ILDR2: variants seen among roughly 807,000 people sequenced by gnomAD.
ILDR2 encodes immunoglobulin-like domain-containing receptor 2.
Under a neutral mutation model 66.8 loss-of-function variants are expected in ILDR2, and 25 were observed. The observed-to-expected ratio is 0.37, with a 90% CI of 0.27 to 0.52. The LOEUF is 0.52. Among genes scored for constraint, ILDR2 ranks in the 20% least tolerant of loss-of-function variants. The pLI is 0.88. For synonymous variants in ILDR2, 367 were observed against 357.2 expected (o/e 1.03, Z -0.31); for missense variants, 827 against 876.8 (o/e 0.94, Z 0.72).
At chr1:166,937,831 C>A (rs1661076113) in intron 4 of ILDR2, among the ~76,000 whole-genome samples, 1 of 152,154 alleles carries the variant, frequency 6.6e-6, no homozygotes. Context: ...TATCCCAAAT[C>A]CCTTTACAAT....
chr1:166,970,005 T>C (rs530563032), intron 1 of ILDR2, among the ~76,000 whole-genome samples: 16 of 152,302 alleles, frequency 1.1e-4, no homozygotes, highest in African/African-American at 3.6e-4. Context: ...AAAAGCATCA[T>C]AGCATGTAAA....
At chr1:166,940,054 T>C (rs924836813) in intron 3 of ILDR2, among the ~76,000 whole-genome samples, 1 of 152,330 alleles carries the variant, frequency 6.6e-6, no homozygotes, top group African/African-American at 2.4e-5. Context: ...CCTAAAGATA[T>C]TTCAATGATT....
At chr1:166,975,155 G>GC in intron 1 of ILDR2, 68 bp downstream of exon 1, 1 of 1,315,392 alleles carries the variant, frequency 7.6e-7, no homozygotes, top group Non-Finnish European at 1.1e-6. Context: ...GGGGCGGGGG[G>GC]CGCGGTGAGA....
intron 9 of ILDR2, 29 bp downstream of exon 9, chr1:166,920,678 C>A (rs759008405): frequency 2.0e-5 from 27 of 1,359,074 alleles, no homozygotes; most frequent in Admixed American, 3.8e-5. Context: ...TCAGTCCCCT[C>A]GGAGGAGGGG....
At chr1:166,968,366 GA>G (rs745671207) in intron 1 of ILDR2, among the ~76,000 whole-genome samples, 8 of 152,130 alleles carry the variant, frequency 5.3e-5, no homozygotes, top group Middle Eastern at 3.4e-3. Flanking sequence ...ACTGCCTCTA[GA>G]AGCTTCTTCC....
At position 166,912,254 on chromosome 1, in the gene ILDR2, A is replaced by C. The variant is rs1241894416; in HGVS notation, c.*7101T>G. ...GAAAGAAAATAACTATCAATCTAGA[A>C]TCATAATCAGTGAAATTATCTTTCA... On this transcript the variant is annotated 3_prime_UTR_variant, in exon 10 of 10. Transcript: ENST00000271417. 1 of 152,230 alleles carries C rather than the reference A, an allele frequency of 6.6e-6. No homozygotes were observed. The highest frequency in any genetic ancestry group is 1.5e-5 in the Non-Finnish European group (1 of 68,032). 9.4% of individuals were successfully genotyped at this position (152,230 alleles called of 1,614,324 possible).
rs530341976 is a variant in ILDR2, at chr1:166,914,935, C to T, written c.*4420G>A. Reference sequence around the variant, plus strand: ...CTTGTCCACCCAACTTTAGGTAAGACCAAAGTGGGAGTGCTATTGGCCAGT... The same window carrying T: ...CTTGTCCACCCAACTTTAGGTAAGATCAAAGTGGGAGTGCTATTGGCCAGT... On this transcript the variant is annotated 3_prime_UTR_variant, in exon 10 of 10. Transcript: ENST00000271417. 6.6e-6 allele frequency: 1 copy of T among 152,302 alleles called. No homozygotes were observed. Among genetic ancestry groups the T allele is most frequent in the South Asian group, 2.1e-4 (1 of 4,824 alleles). 9.4% of individuals were successfully genotyped at this position (152,302 alleles called of 1,614,324 possible).
At chr1:166,935,658 C>G (rs1296975634) in intron 5 of ILDR2, among the ~76,000 whole-genome samples, 181 bp from the exon 6 acceptor site, 3 of 152,184 alleles carry the variant, frequency 2.0e-5, no homozygotes, top group African/African-American at 7.2e-5. Flanking sequence ...CTCCCTCGGA[C>G]TCTCCAGCTC....
At chr1:166,931,928 G>T (rs1439177388) in intron 6 of ILDR2, among the ~76,000 whole-genome samples, 1 of 152,196 alleles carries the variant, frequency 6.6e-6, no homozygotes, top group African/African-American at 2.4e-5. Flanking sequence ...CACCCAGGTG[G>T]AGATGTCCAG....
Position 166,917,094 on chromosome 1 carries a change from G to A in ILDR2, c.*2261C>T, listed in dbSNP as rs1659673147. ...TTCCATCTGAACTGGGGTCCAAACA[G>A]ACAGGCTAGACCTAGGCTTTCAGAG... On this transcript the variant is annotated 3_prime_UTR_variant, in exon 10 of 10. Coordinates refer to ENST00000271417, the MANE Select transcript of ILDR2 (RefSeq NM_199351.3). 1 of 152,170 alleles carries A rather than the reference G, an allele frequency of 6.6e-6. No individual in the cohort carries two copies. Among genetic ancestry groups the A allele is most frequent in the Non-Finnish European group, 1.5e-5 (1 of 68,036 alleles). 9.4% of individuals were successfully genotyped at this position (152,170 alleles called of 1,614,324 possible).
At chr1:166,956,638 G>T in intron 3 of ILDR2, 95 bp downstream of exon 3, 1 of 1,376,828 alleles carries the variant, frequency 7.3e-7, no homozygotes, top group Non-Finnish European at 1.0e-6. Flanking sequence ...TATGCAACCT[G>T]CTAATGCACA....
At chr1:166,967,823 C>A (rs1247547565) in intron 1 of ILDR2, among the ~76,000 whole-genome samples, 1 of 152,184 alleles carries the variant, frequency 6.6e-6, no homozygotes, top group Admixed American at 6.5e-5. Flanking sequence ...GCATCTCCAG[C>A]AGTCCCCAGC....
chr1:166,961,801 C>T (rs940535296), intron 1 of ILDR2, among the ~76,000 whole-genome samples: 2 of 152,152 alleles, frequency 1.3e-5, no homozygotes, highest in African/African-American at 2.4e-5. Flanking sequence ...TGTCAGATGC[C>T]GAGTGTGTAC....
intron 9 of ILDR2, among the ~76,000 whole-genome samples, chr1:166,920,213 A>C (rs940093437): frequency 6.6e-6 from 1 of 152,192 alleles, no homozygotes; most frequent in Non-Finnish European, 1.5e-5. Flanking sequence ...CTTTGCAAAC[A>C]GCAGTGGCTC....
chr1:166,939,576 A>G lies in ILDR2; in HGVS notation c.500-6T>C. The G allele has an allele frequency of 6.2e-7, 1 of 1,613,538 alleles. No individual in the cohort carries two copies. The highest frequency in any genetic ancestry group is 1.3e-5 in the African/African-American group (1 of 75,048). ...AGCAAGCAGCCCTGTCCTGCCTAGA[A>G]GAAGTGGAAGGAAAAGAAGAAGGAA... is the stretch of plus-strand genomic sequence containing the variant. On this transcript the variant is annotated splice_region_variant and splice_polypyrimidine_tract_variant and intron_variant, in intron 3 of 9. Transcript: ENST00000271417.
chr1:166,936,855 T>G lies in ILDR2; in HGVS notation c.557-118A>C. On this transcript the variant is annotated intron_variant, in intron 4 of 9. Transcript: ENST00000271417. The surrounding 1 kb of genome is among the most constrained non-coding windows in gnomAD (Gnocchi z 5.0). Reference sequence around the variant, plus strand: ...GGAGGAGGGACCTAGGGAAGAAAGCTTCTCTTAACAGGAGACAGAGCCCCA... The same window carrying G: ...GGAGGAGGGACCTAGGGAAGAAAGCGTCTCTTAACAGGAGACAGAGCCCCA... 1 of 961,692 alleles carries G rather than the reference T, an allele frequency of 1.0e-6. No homozygotes were observed. The highest frequency in any genetic ancestry group is 2.2e-5 in the Admixed American group (1 of 45,212). 59.6% of individuals were successfully genotyped at this position (961,692 alleles called of 1,614,324 possible).
intron 6 of ILDR2, among the ~76,000 whole-genome samples, chr1:166,929,386 G>T (rs1444135765): frequency 6.6e-6 from 1 of 152,000 alleles, no homozygotes; most frequent in Non-Finnish European, 1.5e-5. Flanking sequence ...TTTTATTATG[G>T]CCCTTAATAT....
rs1659446793 is a variant in ILDR2 at position 166,910,242 on chromosome 1, A to C, written c.*9113T>G. ...AAAATAGCTTTAAATCACAAAAGGC[A>C]TGCACCTAAATCCCACTTGATCCCA... On this transcript the variant is annotated 3_prime_UTR_variant, in exon 10 of 10. Coordinates refer to ENST00000271417, the MANE Select transcript of ILDR2 (RefSeq NM_199351.3). 1 of 152,166 alleles carries C rather than the reference A, an allele frequency of 6.6e-6. No homozygotes were observed. The highest frequency in any genetic ancestry group is 2.1e-4 in the South Asian group (1 of 4,834). The allele number at this position is 152,166 out of a possible 1,614,324, so 9.4% of individuals were successfully genotyped here.
intron 1 of ILDR2, 35 bp downstream of exon 1, chr1:166,975,188 C>T (rs375367498): frequency 6.4e-7 from 1 of 1,557,896 alleles, no homozygotes; most frequent in South Asian, 1.1e-5. Flanking sequence ...CAGGAATATA[C>T]AAAGTTATTC....
Sources: allele counts gnomAD v4.1 joint callset (sites outside exome capture counted in the v4.1 genomes callset), GRCh38; gene constraint gnomAD v4.1.1; non-coding constraint Gnocchi (gnomAD v3.1); transcripts MANE v1.5; gene names NCBI Gene and HGNC (gene_info 2026-07-23, HGNC 2026-07-21).